Variants in DNAJC6 observed in about 807,000 individuals in gnomAD.
The protein encoded by DNAJC6 is DnaJ heat shock protein family (Hsp40) member C6, also known as auxilin.
DNAJC6 carries 34 observed loss-of-function variants against 110.0 expected under a neutral mutation model. The observed-to-expected ratio is 0.31, with a 90% CI of 0.24 to 0.41. The LOEUF (loss-of-function observed/expected upper bound fraction) is 0.41, where lower values mean the gene tolerates loss of function less well. DNAJC6 is among the 10% of genes least tolerant of loss of function. The pLI is 1.00. For synonymous variants in DNAJC6, 406 were observed against 437.2 expected, an observed-to-expected ratio of 0.93 and a Z score of 0.89; for missense variants, 1,031 against 1,207.8, an observed-to-expected ratio of 0.85 and a Z score of 2.17.
At position 65,408,801 on chromosome 1, in the gene DNAJC6, C is replaced by T. The variant is rs372264133; in HGVS notation, c.2634+18C>T. 2.5e-5 allele frequency: 40 copies of T among 1,610,180 alleles called. No homozygotes were observed. The East Asian group carries it at 5.6e-4, about 22-fold the overall frequency. On this transcript the variant is annotated intron_variant, in intron 17 of 18. Coordinates refer to ENST00000371069, the MANE Select transcript of DNAJC6 (RefSeq NM_001256864.2). ...AATTAAAGGTGAGTGAGGCCCCTGA[C>T]GCAGCTTGATTATCCTATATGACAA...
chr1:65,384,379 G>A, intron 6 of DNAJC6, 53 bp downstream of exon 6: 1 of 1,395,916 alleles, frequency 7.2e-7, no homozygotes, highest in East Asian at 2.7e-5. Context: ...TTGGTATCAT[G>A]TACTGTTTTA....
chr1:65,328,020 A>C (rs1160066590), intron 1 of DNAJC6, among the ~76,000 whole-genome samples: 2 of 152,188 alleles, frequency 1.3e-5, no homozygotes, highest in Non-Finnish European at 2.9e-5. Flanking sequence ...CAGCTCAATA[A>C]ATTTTTAATA....
intron 8 of DNAJC6, 83 bp from the exon 9 acceptor site, chr1:65,388,253 G>A: frequency 1.7e-6 from 2 of 1,172,316 alleles, no homozygotes; most frequent in East Asian, 2.3e-5. Context: ...AGTTGAAGGT[G>A]CATGTCTCCC....
chr1:65,349,224 A>G (rs186609498), intron 1 of DNAJC6, among the ~76,000 whole-genome samples: 23 of 151,006 alleles, frequency 1.5e-4, no homozygotes, highest in Non-Finnish European at 2.8e-4. Context: ...ATAAAATAAG[A>G]GAATGTTATA....
At chr1:65,324,425 T>A (rs1429294854) in intron 1 of DNAJC6, among the ~76,000 whole-genome samples, 1 of 151,948 alleles carries the variant, frequency 6.6e-6, no homozygotes, top group Non-Finnish European at 1.5e-5. Flanking sequence ...AGTGGTGTGA[T>A]CTCCGCTCAC....
chr1:65,346,033 A>G (rs1645434115), intron 1 of DNAJC6, among the ~76,000 whole-genome samples: 1 of 151,970 alleles, frequency 6.6e-6, no homozygotes, highest in South Asian at 2.1e-4. Flanking sequence ...TTTTCCTCCA[A>G]ATGCTTGCTG....
At chr1:65,276,185 A>T (rs1157606565) in intron 1 of DNAJC6, among the ~76,000 whole-genome samples, 1 of 152,172 alleles carries the variant, frequency 6.6e-6, no homozygotes, top group Non-Finnish European at 1.5e-5. Flanking sequence ...CCCAGCCTCT[A>T]TTAGATTCTT....
rs1645905141 is a variant in DNAJC6, at chr1:65,389,554, T to G, written c.1395T>G (p.Ala465=). ...HQDTLALGGQ[A]PIDIPPDNPR... is the part of the protein sequence containing the mutation. ...GGTCTTTTTGTCTTGCAGGACAGGC[T>G]CCAATAGATATCCCTCCAGACAACC... Residue 465 remains alanine, a synonymous_variant, in exon 11 of 19, where the codon GCT becomes GCG. Coordinates refer to ENST00000371069, the MANE Select transcript of DNAJC6 (RefSeq NM_001256864.2). The G allele has an allele frequency of 6.2e-7, 1 of 1,614,174 alleles. No homozygotes were observed. Among genetic ancestry groups the G allele is most frequent in the African/African-American group, 1.3e-5 (1 of 75,038 alleles).
At chr1:65,327,216 C>G (rs1202424978) in intron 1 of DNAJC6, among the ~76,000 whole-genome samples, 3 of 152,076 alleles carry the variant, frequency 2.0e-5, no homozygotes, top group African/African-American at 7.2e-5. Flanking sequence ...GTTTGAGTAA[C>G]AGTGAGCAGT....
At position 65,383,288 on chromosome 1, in the gene DNAJC6, A is replaced by C. The variant is rs546159538; in HGVS notation, c.667-905A>C. Among the ~76,000 whole-genome samples the C allele has an allele frequency of 3.3e-5, 5 of 152,322 alleles. No individual in the cohort carries two copies. In the South Asian group the frequency reaches 1.0e-3, roughly 32 times the overall value. On this transcript the variant is annotated intron_variant, in intron 5 of 18. Coordinates refer to ENST00000371069, the MANE Select transcript of DNAJC6 (RefSeq NM_001256864.2). ...ACAGGAATGTAGTTCTGGAGGCTGG[A>C]AAGTCCAAGATCAAGGTGACTGCAG...
chr1:65,348,581 C>G (rs1645459074), intron 1 of DNAJC6, among the ~76,000 whole-genome samples: 1 of 151,856 alleles, frequency 6.6e-6, no homozygotes, highest in African/African-American at 2.4e-5. Flanking sequence ...TAATATAGGC[C>G]TACCTGCTTT....
At chr1:65,390,862 C>T (rs1462685518) in intron 11 of DNAJC6, among the ~76,000 whole-genome samples, 1 of 152,184 alleles carries the variant, frequency 6.6e-6, no homozygotes, top group Non-Finnish European at 1.5e-5. Flanking sequence ...AGGTAGATTT[C>T]TTATCCCCTG....
rs538814563 is a variant in DNAJC6, at chr1:65,401,727, T to G, written c.2108-34T>G. ...ATTTCACAATTCAGCCTCAAACAAC[T>G]AACTCATTTTCAATGACCTTATTTC... On this transcript the variant is annotated intron_variant, in intron 14 of 18. Coordinates refer to ENST00000371069, the MANE Select transcript of DNAJC6 (RefSeq NM_001256864.2). 1.0e-4 allele frequency: 160 copies of G among 1,594,100 alleles called. 1 individual carries two copies. The East Asian group carries it at 3.4e-3, about 34-fold the overall frequency.
chr1:65,362,380 AT>A (rs914649465), intron 1 of DNAJC6, among the ~76,000 whole-genome samples: 1 of 152,208 alleles, frequency 6.6e-6, no homozygotes, highest in African/African-American at 2.4e-5. Flanking sequence ...TATTTTTATT[AT>A]TCTTTATTTT....
intron 1 of DNAJC6, among the ~76,000 whole-genome samples, chr1:65,275,541 G>C (rs944717979): frequency 2.6e-5 from 4 of 152,114 alleles, no homozygotes; most frequent in African/African-American, 9.7e-5. Context: ...CTTGTCCCAG[G>C]TGTGGTTTTC....
In DNAJC6 at chr1:65,394,884, C is replaced by A; in HGVS notation, c.1904-14C>A. 1 of 1,573,540 alleles carries A rather than the reference C, an allele frequency of 6.4e-7. No homozygotes were observed. The highest frequency in any genetic ancestry group is 1.2e-5 in the South Asian group (1 of 83,680). On this transcript the variant is annotated splice_polypyrimidine_tract_variant and intron_variant, in intron 12 of 18. Transcript: ENST00000371069. ...TCATGGGACAAATAAATATATTTTC[C>A]CATTGTTTTCTAGGTGCCACCTTTG...
chr1:65,386,871 A>G lies in DNAJC6; in HGVS notation c.1055A>G (p.Asp352Gly). The change falls in exon 8 of 19, where the codon GAC (aspartate) becomes GGC (glycine). Residue 352 changes from aspartate to glycine, a missense_variant. Physicochemically the swap from Asp to Gly is moderately conservative, Grantham distance 94 (BLOSUM62 -1). Transcript: ENST00000371069. ...FIPLNITVQG[D>G]VVVSMYHLRS... ...CCCTTGAACATCACTGTGCAAGGAG[A>G]CGTGGTTGTTTCCATGTATCACTTG... The G allele has an allele frequency of 6.2e-7, 1 of 1,614,116 alleles. No homozygotes were observed. Among genetic ancestry groups the G allele is most frequent in the East Asian group, 2.2e-5 (1 of 44,878 alleles).
intron 1 of DNAJC6, among the ~76,000 whole-genome samples, chr1:65,345,381 A>G (rs1168817237): frequency 6.6e-6 from 1 of 152,096 alleles, no homozygotes; most frequent in African/African-American, 2.4e-5. Context: ...ATCCATCATT[A>G]TCTCATTTAA....
intron 1 of DNAJC6, chr1:65,345,584 G>A (rs1038223538): frequency 2.3e-6 from 2 of 888,034 alleles, no homozygotes; most frequent in African/African-American, 3.6e-5. Flanking sequence ...CTAAATAAAT[G>A]CTTTTTCTCT....
Sources: gnomAD v4.1 joint callset for allele counts (sites outside exome capture counted in the v4.1 genomes callset) on GRCh38, gnomAD v4.1.1 for gene constraint, MANE v1.5 for transcripts, NCBI Gene and HGNC (gene_info 2026-07-23, HGNC 2026-07-21) for gene names.